Variants in LIMS1 observed in about 807,000 individuals in gnomAD.
LIMS1 encodes the protein LIM zinc finger domain containing 1.
Under a neutral mutation model 44.1 loss-of-function variants are expected in LIMS1, and 18 were observed. That is an observed-to-expected ratio of 0.41 (90% CI 0.28 to 0.61). The LOEUF is 0.61. Among genes scored for constraint, LIMS1 ranks in the 20% least tolerant of loss-of-function variants. The pLI is 0.32. For missense variants in LIMS1, 201 were observed against 422.0 expected, an observed-to-expected ratio of 0.48 and a Z score of 4.59; for synonymous variants, 93 against 149.1, an observed-to-expected ratio of 0.62 and a Z score of 2.74.
At chr2:108,623,137 A>G (rs771606515) in intron 1 of LIMS1, among the ~76,000 whole-genome samples, 2 of 152,092 alleles carry the variant, frequency 1.3e-5, no homozygotes, top group Non-Finnish European at 2.9e-5. Flanking sequence ...TTTGTCTCCT[A>G]ATGTAGAGAA....
intron 1 of LIMS1, among the ~76,000 whole-genome samples, chr2:108,611,525 C>A (rs1460097909): frequency 6.6e-6 from 1 of 152,028 alleles, no homozygotes; most frequent in Non-Finnish European, 1.5e-5. Flanking sequence ...TATTTCACTT[C>A]TATTTTGGGA....
chr2:108,622,829 TA>T (rs914860940), intron 1 of LIMS1, among the ~76,000 whole-genome samples: 1 of 152,110 alleles, frequency 6.6e-6, no homozygotes, highest in Admixed American at 6.5e-5. Context: ...TTTCCTTTTT[TA>T]AAAAAATTAA....
intron 1 of LIMS1, among the ~76,000 whole-genome samples, chr2:108,559,770 T>C (rs1001892180): frequency 1.1e-4 from 16 of 152,170 alleles, no homozygotes; most frequent in Non-Finnish European, 2.4e-4. Flanking sequence ...GTGTGTCCTT[T>C]CATAATATTT....
At chr2:108,568,052 C>T (rs1011355978) in intron 1 of LIMS1, among the ~76,000 whole-genome samples, 2 of 152,252 alleles carry the variant, frequency 1.3e-5, no homozygotes, top group African/African-American at 2.4e-5. Flanking sequence ...CTGTATAACT[C>T]GTATTTATTT....
At position 108,684,019 on chromosome 2, in the gene LIMS1, T is replaced by C. The variant is rs768249488; in HGVS notation, c.*20T>C. 3 of 1,265,322 alleles carry C rather than the reference T, an allele frequency of 2.4e-6. No individual in the cohort carries two copies. In the East Asian group the frequency reaches 7.0e-5, roughly 30 times the overall value. 78.4% of individuals were successfully genotyped at this position (1,265,322 alleles called of 1,614,324 possible). A position where few individuals can be genotyped will look rare whatever the true frequency, so the allele number is the denominator to read the frequency against. ...AAATAAGTTCCTTTATTTTTTCTTT[T>C]CTATGCAAGATAAGAGATTACCAAC... is the stretch of plus-strand genomic sequence containing the variant. On this transcript the variant is annotated 3_prime_UTR_variant, in exon 10 of 10. Transcript: ENST00000544547.
At chr2:108,652,789 A>G (rs934527539) in intron 1 of LIMS1, among the ~76,000 whole-genome samples, 1 of 152,056 alleles carries the variant, frequency 6.6e-6, no homozygotes. Flanking sequence ...CCTGCCTCCT[A>G]CCATGCCACC....
At chr2:108,572,313 T>TA in intron 1 of LIMS1, among the ~76,000 whole-genome samples, 1 of 152,054 alleles carries the variant, frequency 6.6e-6, no homozygotes, top group South Asian at 2.1e-4. Context: ...ATGAGGTTGT[T>TA]ACCACAGTCA....
intron 1 of LIMS1, among the ~76,000 whole-genome samples, chr2:108,548,291 T>G (rs1414879620): frequency 1.8e-5 from 1 of 54,856 alleles, no homozygotes; most frequent in Non-Finnish European, 4.7e-5. Context: ...TGGGTTTTGT[T>G]TTTTTTTTTT....
chr2:108,677,239 AT>A (rs1270117036), intron 7 of LIMS1: 1 of 152,586 alleles, frequency 6.6e-6, no homozygotes, highest in African/African-American at 2.4e-5. Flanking sequence ...AAAATTTTTG[AT>A]GACATTGACA....
intron 1 of LIMS1, among the ~76,000 whole-genome samples, chr2:108,543,878 G>C (rs994668948): frequency 1.3e-5 from 2 of 151,994 alleles, no homozygotes; most frequent in African/African-American, 4.8e-5. Flanking sequence ...CTCGTTATTG[G>C]GCCACGAGAA....
chr2:108,652,707 C>T (rs1227954883), intron 1 of LIMS1, among the ~76,000 whole-genome samples: 2 of 152,184 alleles, frequency 1.3e-5, no homozygotes, highest in Non-Finnish European at 1.5e-5. Flanking sequence ...TGCTCCTGTA[C>T]TGTAGTCACG....
intron 2 of LIMS1, among the ~76,000 whole-genome samples, chr2:108,670,027 T>C (rs1692059987): frequency 6.6e-6 from 1 of 152,152 alleles, no homozygotes; most frequent in South Asian, 2.1e-4. Flanking sequence ...ATGTTATATA[T>C]ATTTTTTAAT....
chr2:108,534,442 T>C, exon 1 of LIMS1: 1 of 758,758 alleles, frequency 1.3e-6, no homozygotes. Flanking sequence ...GCCCCTGGCC[T>C]TCCTCCCCTT....
At chr2:108,559,775 A>T (rs1055185307) in intron 1 of LIMS1, among the ~76,000 whole-genome samples, 4 of 152,134 alleles carry the variant, frequency 2.6e-5, no homozygotes, top group Non-Finnish European at 5.9e-5. Context: ...TCCTTTCATA[A>T]TATTTTTAGT....
At chr2:108,665,338 C>T (rs2148982997) in intron 2 of LIMS1, among the ~76,000 whole-genome samples, 1 of 152,126 alleles carries the variant, frequency 6.6e-6, no homozygotes, top group South Asian at 2.1e-4. Flanking sequence ...GCAGTTGTAA[C>T]ACAATGGTGA....
At chr2:108,637,230 CAAAA>C (rs1558821401) in intron 1 of LIMS1, among the ~76,000 whole-genome samples, 1 of 150,980 alleles carries the variant, frequency 6.6e-6, no homozygotes, top group Non-Finnish European at 1.5e-5. Flanking sequence ...TGTTCTGTGT[CAAAA>C]AGAAAATAAC....
intron 1 of LIMS1, chr2:108,588,376 T>C (rs966708218): frequency 2.0e-6 from 2 of 985,228 alleles, no homozygotes. Context: ...AATAGAGGCT[T>C]TCAAAGATAA....
chr2:108,598,971 TAATTA>T (rs1283930884), intron 1 of LIMS1, among the ~76,000 whole-genome samples: 1 of 152,202 alleles, frequency 6.6e-6, no homozygotes, highest in African/African-American at 2.4e-5. Context: ...TGTTTCTGTT[TAATTA>T]TTTTATTGGG....
intron 2 of LIMS1, among the ~76,000 whole-genome samples, chr2:108,661,701 A>G (rs1330119726): frequency 6.6e-6 from 1 of 152,182 alleles, no homozygotes; most frequent in Non-Finnish European, 1.5e-5. Context: ...GTGGTGAGCC[A>G]TGACTCAATT....
Sources: allele counts gnomAD v4.1 joint callset (sites outside exome capture counted in the v4.1 genomes callset), GRCh38; gene constraint gnomAD v4.1.1; transcripts MANE v1.5; gene names NCBI Gene and HGNC (gene_info 2026-07-23, HGNC 2026-07-21).